The following FBXO15 variants were observed in gnomAD, a reference collection of about 807,000 sequenced individuals.
The protein encoded by FBXO15 is F-box protein 15.
Under a neutral mutation model 49.5 loss-of-function variants are expected in FBXO15, and 30 were observed. That is an observed-to-expected ratio of 0.61 (90% CI 0.45 to 0.82). The LOEUF (loss-of-function observed/expected upper bound fraction) is 0.82. Among genes scored for constraint, FBXO15 ranks in the 40% least tolerant of loss-of-function variants. The probability of loss-of-function intolerance (pLI) is 0.00; values close to 1 mark genes in which losing one functional copy is unlikely to be tolerated. For synonymous variants in FBXO15, 250 were observed against 232.7 expected (o/e 1.07, Z -0.68); for missense variants, 591 against 631.5 (o/e 0.94, Z 0.69).
At chr18:74,108,592 T>C (rs58675435) in intron 8 of FBXO15, among the ~76,000 whole-genome samples, 40,297 of 148,490 alleles carry the variant, frequency 0.27, 7,939 homozygotes, top group African/African-American at 0.55. Context: ...TTACATGCAA[T>C]GGAAATACCA....
chr18:74,109,691 A>C (rs947938391), intron 8 of FBXO15, among the ~76,000 whole-genome samples: 2 of 152,196 alleles, frequency 1.3e-5, no homozygotes, highest in Admixed American at 6.5e-5. Flanking sequence ...GACATGGATG[A>C]AGCTGGAAAC....
chr18:74,091,096 T>G (rs1172556385), intron 8 of FBXO15, among the ~76,000 whole-genome samples: 1 of 152,226 alleles, frequency 6.6e-6, no homozygotes, highest in South Asian at 2.1e-4. Flanking sequence ...GCATACATAT[T>G]TAGGAGAGTT....
chr18:74,082,406 G>A (rs1912542381), intron 8 of FBXO15, among the ~76,000 whole-genome samples: 1 of 152,220 alleles, frequency 6.6e-6, no homozygotes, highest in Non-Finnish European at 1.5e-5. Flanking sequence ...CCGATATCTA[G>A]AATTACACAG....
At chr18:74,144,469 G>A (rs1472553086) in intron 1 of FBXO15, among the ~76,000 whole-genome samples, 3 of 152,124 alleles carry the variant, frequency 2.0e-5, no homozygotes, top group Admixed American at 6.5e-5. Flanking sequence ...ATCACAGTTT[G>A]ACAGCACAAT....
intron 8 of FBXO15, among the ~76,000 whole-genome samples, chr18:74,116,225 A>G (rs1020666991): frequency 6.6e-6 from 1 of 152,226 alleles, no homozygotes; most frequent in Non-Finnish European, 1.5e-5. Context: ...GTCTATTTCT[A>G]TACTGTGGTG....
At chr18:74,098,158 T>A (rs1233517466) in intron 8 of FBXO15, 1 of 152,178 alleles carries the variant, frequency 6.6e-6, no homozygotes, top group African/African-American at 2.4e-5. Context: ...TAACATAGCC[T>A]ACCCAAATGA....
At chr18:74,118,417 T>C (rs868461350) in intron 8 of FBXO15, among the ~76,000 whole-genome samples, 5 of 149,482 alleles carry the variant, frequency 3.3e-5, no homozygotes, top group African/African-American at 9.9e-5. Context: ...TATACACATA[T>C]ATATATATAT....
At chr18:74,083,235 T>C (rs1449383457) in intron 8 of FBXO15, among the ~76,000 whole-genome samples, 1 of 152,204 alleles carries the variant, frequency 6.6e-6, no homozygotes, top group Non-Finnish European at 1.5e-5. Context: ...TAGCAAGAGC[T>C]GTGTAGCTTC....
intron 8 of FBXO15, among the ~76,000 whole-genome samples, chr18:74,115,072 AC>A (rs1322097866): frequency 6.6e-6 from 1 of 152,182 alleles, no homozygotes; most frequent in Non-Finnish European, 1.5e-5. Context: ...GGTCCTCCTA[AC>A]CACGCCAAAA....
At chr18:74,131,925 G>A (rs570960806) in intron 3 of FBXO15, among the ~76,000 whole-genome samples, 1 of 152,270 alleles carries the variant, frequency 6.6e-6, no homozygotes, top group African/African-American at 2.4e-5. Flanking sequence ...AACCACAGCA[G>A]AAAAGGACCA....
chr18:74,129,431 G>A lies in FBXO15; in HGVS notation c.759C>T (p.Asp253=), dbSNP rs772561544. ...TATGTTTGGTGGGAGTTTTATACCA[G>A]TCGGTAAAAACTGGTGTCATGCCAC... ...DLCGMTPVFT[D]WYKTPTKHRL... Residue 253 remains aspartate, a synonymous_variant, in exon 5 of 10, where the codon GAC becomes GAT. Transcript: ENST00000419743. 25 of 1,613,798 alleles carry A rather than the reference G, an allele frequency of 1.5e-5. No individual in the cohort carries two copies. In the South Asian group the frequency reaches 2.6e-4, roughly 17 times the overall value.
At chr18:74,128,334 C>CA (rs200806589) in intron 5 of FBXO15, among the ~76,000 whole-genome samples, 25,870 of 129,750 alleles carry the variant, frequency 0.2, 2,542 homozygotes, top group East Asian at 0.28. Context: ...TACAGAGCTG[C>CA]AAAAAAAAAA....
chr18:74,119,856 G>C (rs1211735015), intron 8 of FBXO15, among the ~76,000 whole-genome samples: 1 of 152,184 alleles, frequency 6.6e-6, no homozygotes, highest in Non-Finnish European at 1.5e-5. Context: ...AAGGTTTAAA[G>C]GGGAAGGAGA....
rs1001591468 is a variant in FBXO15 at position 74,074,554 on chromosome 18, C to T, written c.1264-824G>A. Among the ~76,000 whole-genome samples the T allele has an allele frequency of 6.6e-6, 1 of 152,188 alleles. No individual in the cohort carries two copies. The stretch of plus-strand genomic sequence containing the variant: ...CCTCAGGCACCCTGTCTTCTAACTG[C>T]CACCCTTCGTCTTCCAGCTGACTCA... On this transcript the variant is annotated intron_variant, in intron 9 of 9. Coordinates refer to ENST00000419743, the MANE Select transcript of FBXO15 (RefSeq NM_001142958.2). This position sits in a 1 kb window ranked among gnomAD's most constrained non-coding sequence, Gnocchi z 4.7.
At chr18:74,085,496 G>A (rs1357861650) in intron 8 of FBXO15, among the ~76,000 whole-genome samples, 1 of 152,200 alleles carries the variant, frequency 6.6e-6, no homozygotes, top group Non-Finnish European at 1.5e-5. Flanking sequence ...AGGAGGCTGA[G>A]GTGGGAGAAT....
intron 3 of FBXO15, among the ~76,000 whole-genome samples, chr18:74,131,797 C>T (rs754017098): frequency 1.7e-4 from 26 of 152,220 alleles, no homozygotes; most frequent in Non-Finnish European, 3.1e-4. Flanking sequence ...TGGGATGAAG[C>T]AGTCAACGGC....
chr18:74,135,284 TA>T (rs1978648856), intron 3 of FBXO15, among the ~76,000 whole-genome samples: 1 of 152,144 alleles, frequency 6.6e-6, no homozygotes, highest in African/African-American at 2.4e-5. Flanking sequence ...CCCCACAGAG[TA>T]AGTTAACTTG....
intron 9 of FBXO15, among the ~76,000 whole-genome samples, chr18:74,080,336 C>T (rs905849432): frequency 1.3e-5 from 2 of 152,126 alleles, no homozygotes; most frequent in Admixed American, 6.5e-5. Context: ...AAAAGGCAAA[C>T]AGAAAATAAA....
intron 5 of FBXO15, among the ~76,000 whole-genome samples, chr18:74,127,147 G>A (rs777797749): frequency 3.3e-5 from 5 of 152,192 alleles, no homozygotes; most frequent in East Asian, 3.8e-4. Flanking sequence ...AAGAGCACAC[G>A]GCATGGGGCA....
Sources: allele counts gnomAD v4.1 joint callset (sites outside exome capture counted in the v4.1 genomes callset), GRCh38; gene constraint gnomAD v4.1.1; non-coding constraint Gnocchi (gnomAD v3.1); transcripts MANE v1.5; gene names NCBI Gene and HGNC (gene_info 2026-07-23, HGNC 2026-07-21).